CACNG3: variants seen among roughly 807,000 people sequenced by gnomAD.
CACNG3 encodes the protein calcium voltage-gated channel auxiliary subunit gamma 3, also known as voltage-dependent calcium channel gamma-3 subunit.
A neutral mutation model predicts 28.5 loss-of-function variants in CACNG3; 3 were observed. The ratio of observed to expected loss-of-function variants is 0.11; its 90% confidence interval spans 0.05 to 0.27. The LOEUF is 0.27. CACNG3 is among the 10% of genes least tolerant of loss of function. The pLI, the probability that CACNG3 is intolerant of heterozygous loss-of-function variation, is 1.00. For synonymous variants in CACNG3, 174 were observed against 162.2 expected (o/e 1.07, Z -0.55); for missense variants, 236 against 414.4 (o/e 0.57, Z 3.74).
chr16:24,344,027 C>G (rs2077907247), intron 1 of CACNG3, among the ~76,000 whole-genome samples: 1 of 151,998 alleles, frequency 6.6e-6, no homozygotes, highest in South Asian at 2.1e-4. Context: ...AAGCAGTGAG[C>G]CAAGATTGCG....
chr16:24,262,046 G>T (rs945808828), intron 1 of CACNG3, among the ~76,000 whole-genome samples: 1 of 152,186 alleles, frequency 6.6e-6, no homozygotes, highest in South Asian at 2.1e-4. Flanking sequence ...TCCTGTCTCC[G>T]CCCAAGTAGA....
chr16:24,259,441 A>G (rs908512335), intron 1 of CACNG3, among the ~76,000 whole-genome samples: 1 of 152,140 alleles, frequency 6.6e-6, no homozygotes. Flanking sequence ...GTCCTTTCCC[A>G]TTCAGTATTT....
intron 1 of CACNG3, among the ~76,000 whole-genome samples, chr16:24,277,257 A>T (rs1289907314): frequency 1.3e-5 from 2 of 152,124 alleles, no homozygotes; most frequent in Non-Finnish European, 2.9e-5. Context: ...GACCTTGAGG[A>T]TTATCATTCG....
At chr16:24,323,062 C>T (rs1341077090) in intron 1 of CACNG3, among the ~76,000 whole-genome samples, 2 of 151,776 alleles carry the variant, frequency 1.3e-5, no homozygotes, top group Non-Finnish European at 1.5e-5. Context: ...CCTGTCTCTA[C>T]AAAAAACTTT....
At chr16:24,259,140 G>A (rs1898507309) in intron 1 of CACNG3, among the ~76,000 whole-genome samples, 1 of 152,216 alleles carries the variant, frequency 6.6e-6, no homozygotes, top group Non-Finnish European at 1.5e-5. Flanking sequence ...ATGTGTTGCA[G>A]TCCCCATACA....
chr16:24,348,361 C>T (rs760885109), intron 2 of CACNG3, among the ~76,000 whole-genome samples: 4 of 152,088 alleles, frequency 2.6e-5, no homozygotes, highest in South Asian at 2.1e-4. Context: ...TTGCAGTGAT[C>T]GTGCCATTGC....
At chr16:24,316,562 G>C (rs1280528314) in intron 1 of CACNG3, among the ~76,000 whole-genome samples, 1 of 152,186 alleles carries the variant, frequency 6.6e-6, no homozygotes, top group East Asian at 1.9e-4. Flanking sequence ...TGCTTACTGG[G>C]GCATCAACTG....
intron 3 of CACNG3, 130 bp downstream of exon 3, chr16:24,355,103 A>C: frequency 1.1e-6 from 1 of 888,148 alleles, no homozygotes. Flanking sequence ...TGTGCTAAGG[A>C]TGAGAACTCC....
chr16:24,309,270 C>G (rs1402473517), intron 1 of CACNG3, among the ~76,000 whole-genome samples: 1 of 152,236 alleles, frequency 6.6e-6, no homozygotes, highest in Non-Finnish European at 1.5e-5. Context: ...TACTTTATGT[C>G]TTTTACTTCC....
chr16:24,271,521 T>C (rs1384499337), intron 1 of CACNG3, among the ~76,000 whole-genome samples: 1 of 152,174 alleles, frequency 6.6e-6, no homozygotes, highest in Non-Finnish European at 1.5e-5. Context: ...AGGCTGGTAT[T>C]TACTCCTGTG....
intron 1 of CACNG3, among the ~76,000 whole-genome samples, chr16:24,294,875 T>G (rs978169502): frequency 6.6e-6 from 1 of 152,154 alleles, no homozygotes; most frequent in Non-Finnish European, 1.5e-5. Flanking sequence ...TTAAATGAGG[T>G]AATAGGTGTA....
At chr16:24,259,461 A>C (rs139251589) in intron 1 of CACNG3, among the ~76,000 whole-genome samples, 2 of 152,160 alleles carry the variant, frequency 1.3e-5, no homozygotes, top group African/African-American at 4.8e-5. Flanking sequence ...TCTTACCTAC[A>C]CCTGAGCCTC....
At chr16:24,346,869 C>A (rs1005237343) in intron 2 of CACNG3, 52 bp downstream of exon 2, 8 of 1,404,404 alleles carry the variant, frequency 5.7e-6, no homozygotes, top group Non-Finnish European at 8.1e-6. Context: ...TGGGCCTCTG[C>A]CATCACTCAG....
chr16:24,287,485 T>C (rs1419498919), intron 1 of CACNG3, among the ~76,000 whole-genome samples: 1 of 119,392 alleles, frequency 8.4e-6, no homozygotes, highest in Non-Finnish European at 1.6e-5. Context: ...GCCACTGCAC[T>C]CCAGCTGGGG....
At chr16:24,303,543 C>G (rs372619040) in intron 1 of CACNG3, among the ~76,000 whole-genome samples, 61 of 151,914 alleles carry the variant, frequency 4.0e-4, no homozygotes, top group African/African-American at 1.4e-3. Flanking sequence ...ACTACTCCCA[C>G]CCCCCACCAC....
intron 1 of CACNG3, among the ~76,000 whole-genome samples, chr16:24,302,430 G>A (rs1454102690): frequency 6.6e-6 from 1 of 151,994 alleles, no homozygotes; most frequent in Non-Finnish European, 1.5e-5. Flanking sequence ...CTGCCATCAG[G>A]ACGGGTTCCA....
chr16:24,274,295 C>T (rs1898726722), intron 1 of CACNG3, among the ~76,000 whole-genome samples: 1 of 151,906 alleles, frequency 6.6e-6, no homozygotes, highest in South Asian at 2.1e-4. Context: ...CATTACTTAA[C>T]CTCTCTGTGT....
At chr16:24,350,773 T>G (rs1430041340) in intron 2 of CACNG3, among the ~76,000 whole-genome samples, 1 of 152,196 alleles carries the variant, frequency 6.6e-6, no homozygotes, top group Non-Finnish European at 1.5e-5. Context: ...CAATATACAA[T>G]GCAAATGATC....
chr16:24,276,449 C>A (rs1898754791), intron 1 of CACNG3, among the ~76,000 whole-genome samples: 2 of 152,220 alleles, frequency 1.3e-5, no homozygotes, highest in Admixed American at 1.3e-4. Context: ...AGAGCCTCTG[C>A]TACAGCTGTA....
Sources: gnomAD v4.1 joint callset for allele counts (sites outside exome capture counted in the v4.1 genomes callset) on GRCh38, gnomAD v4.1.1 for gene constraint, MANE v1.5 for transcripts, NCBI Gene and HGNC (gene_info 2026-07-23, HGNC 2026-07-21) for gene names.